The following RANBP2 variants were observed in gnomAD, a reference collection of about 807,000 sequenced individuals.
The protein encoded by RANBP2 is RAN binding protein 2.
In RANBP2, 57 loss-of-function variants were observed where a neutral mutation model predicts 303.6. The ratio of observed to expected loss-of-function variants is 0.19; its 90% CI spans 0.15 to 0.23. The LOEUF is 0.23. RANBP2 is among the 10% of genes least tolerant of loss of function. RANBP2 has a pLI of 1.00. For missense variants in RANBP2, 3,138 were observed against 3,780.8 expected (o/e 0.83, Z 4.46); for synonymous variants, 1,167 against 1,301.5 (o/e 0.90, Z 2.23).
In RANBP2 at chr2:108,775,952, T is replaced by G. The variant is rs1159438645; in HGVS notation, c.8497+16T>G. 6.3e-7 allele frequency: 1 copy of G among 1,590,574 alleles called. No homozygotes were observed. Among genetic ancestry groups the G allele is most frequent in the Non-Finnish European group, 8.6e-7 (1 of 1,167,966 alleles). ...ACAAGCCAAGGTAAATCTTGATATA[T>G]GTTTATCATGTGTTACATAAGGGAC... On this transcript the variant is annotated intron_variant, in intron 24 of 28. Transcript: ENST00000283195.
chr2:109,588,487 G>A, the RANBP2 span, among the ~76,000 whole-genome samples: 1 of 152,110 alleles, frequency 6.6e-6, no homozygotes, highest in African/African-American at 2.4e-5. Flanking sequence ...TATACATAAA[G>A]TGTTATATAT....
the RANBP2 span, among the ~76,000 whole-genome samples, chr2:109,655,282 C>T: frequency 6.6e-6 from 1 of 152,172 alleles, no homozygotes; most frequent in Non-Finnish European, 1.5e-5. Flanking sequence ...CTGCTTTCAA[C>T]CACAGTTCTT....
At chr2:109,571,684 T>A in the RANBP2 span, among the ~76,000 whole-genome samples, 14 of 152,322 alleles carry the variant, frequency 9.2e-5, no homozygotes, top group Admixed American at 7.2e-4. Flanking sequence ...CTATTTTATA[T>A]AAGGAATTTC....
the RANBP2 span, among the ~76,000 whole-genome samples, chr2:109,157,978 A>G: frequency 6.6e-6 from 1 of 152,166 alleles, no homozygotes; most frequent in Non-Finnish European, 1.5e-5. Context: ...TTGCCTTACT[A>G]GTAAGTAACC....
At chr2:108,906,926 C>T in the RANBP2 span, among the ~76,000 whole-genome samples, 1 of 152,268 alleles carries the variant, frequency 6.6e-6, no homozygotes, top group African/African-American at 2.4e-5. Flanking sequence ...CAGGACCAGG[C>T]TGGAGCCAGG....
At chr2:109,653,814 T>TCAAA in the RANBP2 span, among the ~76,000 whole-genome samples, 6 of 152,190 alleles carry the variant, frequency 3.9e-5, no homozygotes, top group African/African-American at 1.4e-4. Context: ...TTTCAATCAA[T>TCAAA]CAAACAAACA....
the RANBP2 span, among the ~76,000 whole-genome samples, chr2:109,161,495 A>T: frequency 6.6e-6 from 1 of 151,338 alleles, no homozygotes; most frequent in South Asian, 2.1e-4. Context: ...CGTGCATTAC[A>T]TATCGTAAGG....
At chr2:109,044,694 C>A in the RANBP2 span, among the ~76,000 whole-genome samples, 1 of 152,068 alleles carries the variant, frequency 6.6e-6, no homozygotes, top group Non-Finnish European at 1.5e-5. Flanking sequence ...CTTTATTCAT[C>A]CCCACTCCAG....
chr2:109,635,503 G>T, the RANBP2 span, among the ~76,000 whole-genome samples: 1 of 152,230 alleles, frequency 6.6e-6, no homozygotes, highest in East Asian at 1.9e-4. Context: ...ATTTTAAGCA[G>T]GCATTTGTTC....
intron 7 of RANBP2, among the ~76,000 whole-genome samples, chr2:108,745,610 A>G (rs1204445372): frequency 6.8e-6 from 1 of 147,084 alleles, no homozygotes; most frequent in Non-Finnish European, 1.5e-5. Context: ...TTTTTTTTTC[A>G]TAGGTTATTG....
chr2:109,434,836 G>A, the RANBP2 span, among the ~76,000 whole-genome samples: 1 of 152,236 alleles, frequency 6.6e-6, no homozygotes, highest in Non-Finnish European at 1.5e-5. Context: ...TATACGAGGT[G>A]CTCAATAAAT....
At chr2:109,020,381 T>G in the RANBP2 span, among the ~76,000 whole-genome samples, 1 of 152,180 alleles carries the variant, frequency 6.6e-6, no homozygotes, top group Non-Finnish European at 1.5e-5. Context: ...ATGGTTAGAA[T>G]TACGTATAAC....
chr2:109,047,789 A>G, the RANBP2 span, among the ~76,000 whole-genome samples: 2 of 152,280 alleles, frequency 1.3e-5, no homozygotes, highest in African/African-American at 4.8e-5. Context: ...AGCCTGGGCA[A>G]CAGAGCGAGA....
the RANBP2 span, among the ~76,000 whole-genome samples, chr2:108,992,843 G>C: frequency 6.6e-6 from 1 of 152,164 alleles, no homozygotes; most frequent in Non-Finnish European, 1.5e-5. Flanking sequence ...TGGCTCCCAG[G>C]ACTGACCTGG....
At chr2:109,674,382 C>T in the RANBP2 span, among the ~76,000 whole-genome samples, 699 of 117,558 alleles carry the variant, frequency 5.9e-3, 2 homozygotes, top group East Asian at 0.023. Context: ...ATGACCGGCC[C>T]GGGAAACATG....
chr2:109,516,300 C>A, the RANBP2 span, among the ~76,000 whole-genome samples: 3 of 152,166 alleles, frequency 2.0e-5, no homozygotes, highest in African/African-American at 7.2e-5. Flanking sequence ...TCTCCCCTGG[C>A]GTCACTGATG....
the RANBP2 span, among the ~76,000 whole-genome samples, chr2:109,718,199 C>T: frequency 6.6e-6 from 1 of 152,224 alleles, no homozygotes; most frequent in African/African-American, 2.4e-5. Flanking sequence ...TACAATCTGG[C>T]CCAGCACTTC....
the RANBP2 span, among the ~76,000 whole-genome samples, chr2:109,201,359 G>T: frequency 6.6e-6 from 1 of 152,210 alleles, no homozygotes; most frequent in Non-Finnish European, 1.5e-5. Flanking sequence ...ACATGGCCTG[G>T]GCTTTGGGCC....
At chr2:109,170,304 CT>C in the RANBP2 span, among the ~76,000 whole-genome samples, 121 of 117,118 alleles carry the variant, frequency 1.0e-3, 4 homozygotes, top group East Asian at 0.013. Flanking sequence ...CTTCTCTTCT[CT>C]TCTCTTCTCT....
Sources: gnomAD v4.1 joint callset for allele counts (sites outside exome capture counted in the v4.1 genomes callset) on GRCh38, gnomAD v4.1.1 for gene constraint, MANE v1.5 for transcripts, NCBI Gene and HGNC (gene_info 2026-07-23, HGNC 2026-07-21) for gene names.